Variants in FHIT observed in about 807,000 individuals in gnomAD.
The protein encoded by FHIT is bis(5'-adenosyl)-triphosphatase.
FHIT carries 19 observed loss-of-function variants against 17.9 expected under a neutral mutation model. The observed-to-expected ratio is 1.06, with a 90% CI of 0.74 to 1.56. FHIT has a LOEUF of 1.56. Ranked by LOEUF, FHIT falls within the 40% of genes most tolerant of loss-of-function variation. FHIT has a pLI of 0.00. For missense variants in FHIT, 248 were observed against 189.2 expected (o/e 1.31, Z -1.82); for synonymous variants, 81 against 69.7 (o/e 1.16, Z -0.81).
At chr3:59,913,982 T>A (rs1423822647) in intron 8 of FHIT, among the ~76,000 whole-genome samples, 1 of 152,194 alleles carries the variant, frequency 6.6e-6, no homozygotes, top group Non-Finnish European at 1.5e-5. Flanking sequence ...AACAGCTGCT[T>A]GCCAGTAAGC....
chr3:60,362,949 C>A (rs1302779288), intron 5 of FHIT, among the ~76,000 whole-genome samples: 1 of 152,082 alleles, frequency 6.6e-6, no homozygotes. Flanking sequence ...AGAAGGTATC[C>A]CCAGCCTTTT....
At chr3:60,044,442 C>G (rs11718994) in intron 5 of FHIT, among the ~76,000 whole-genome samples, 64,253 of 151,998 alleles carry the variant, frequency 0.42, 14,453 homozygotes, top group Middle Eastern at 0.71. Flanking sequence ...CCAGGGTAAG[C>G]CTTCCTCACA....
At chr3:61,161,482 A>G (rs754427821) in intron 2 of FHIT, among the ~76,000 whole-genome samples, 30 of 152,190 alleles carry the variant, frequency 2.0e-4, no homozygotes, top group Non-Finnish European at 3.7e-4. Flanking sequence ...GATTACAGGC[A>G]TGAGCCACTG....
chr3:59,907,031 T>A (rs1216517442), intron 8 of FHIT, among the ~76,000 whole-genome samples: 1 of 152,186 alleles, frequency 6.6e-6, no homozygotes, highest in African/African-American at 2.4e-5. Context: ...TCACAAAGTA[T>A]CAGAGCTGAA....
At chr3:60,289,753 C>T (rs1403358692) in intron 5 of FHIT, among the ~76,000 whole-genome samples, 1 of 152,116 alleles carries the variant, frequency 6.6e-6, no homozygotes, top group Non-Finnish European at 1.5e-5. Context: ...AGAATATCCT[C>T]TTGAAATGGT....
At chr3:60,977,273 A>G (rs192663247) in intron 3 of FHIT, among the ~76,000 whole-genome samples, 1 of 152,296 alleles carries the variant, frequency 6.6e-6, no homozygotes, top group Non-Finnish European at 1.5e-5. Context: ...GGTGGTGAAG[A>G]GCAGTCAGCA....
chr3:60,081,961 T>C (rs1259311970), intron 5 of FHIT, among the ~76,000 whole-genome samples: 1 of 152,126 alleles, frequency 6.6e-6, no homozygotes, highest in Non-Finnish European at 1.5e-5. Flanking sequence ...TGTCTACTTA[T>C]CTGTTTTTGT....
At chr3:60,120,532 A>G (rs1705199792) in intron 5 of FHIT, among the ~76,000 whole-genome samples, 1 of 152,216 alleles carries the variant, frequency 6.6e-6, no homozygotes, top group Admixed American at 6.5e-5. Flanking sequence ...GCAATTTCCT[A>G]TTTGATTAAG....
chr3:60,695,018 A>T (rs558079154), intron 4 of FHIT, among the ~76,000 whole-genome samples: 1 of 152,288 alleles, frequency 6.6e-6, no homozygotes, highest in Non-Finnish European at 1.5e-5. Context: ...ATATGTAACA[A>T]ACCTGCACGT....
At chr3:61,081,189 TAG>T (rs931877353) in intron 2 of FHIT, among the ~76,000 whole-genome samples, 3 of 152,108 alleles carry the variant, frequency 2.0e-5, no homozygotes, top group Non-Finnish European at 2.9e-5. Context: ...CATAATAAAA[TAG>T]AGAGGCTGTG....
intron 3 of FHIT, among the ~76,000 whole-genome samples, chr3:60,842,050 G>T (rs1702739611): frequency 6.6e-6 from 1 of 151,826 alleles, no homozygotes; most frequent in South Asian, 2.1e-4. Flanking sequence ...GACGCTCCGA[G>T]GGCCTACACA....
intron 4 of FHIT, among the ~76,000 whole-genome samples, chr3:60,543,907 C>CTGTTTTTTTT (rs2036270307): frequency 1.9e-5 from 1 of 52,062 alleles, no homozygotes; most frequent in Non-Finnish European, 3.0e-5. Context: ...CCACGCCCGG[C>CTGTTTTTTTT]TTTTTTTTTT....
intron 5 of FHIT, among the ~76,000 whole-genome samples, chr3:60,321,401 C>T (rs186540103): frequency 2.0e-5 from 3 of 152,160 alleles, no homozygotes; most frequent in Middle Eastern, 3.4e-3. Context: ...GTTTGAACTC[C>T]GGAGGTCAAG....
At chr3:59,957,574 T>A (rs1707466315) in intron 7 of FHIT, among the ~76,000 whole-genome samples, 1 of 152,358 alleles carries the variant, frequency 6.6e-6, no homozygotes, top group African/African-American at 2.4e-5. Context: ...GCACAAAGGT[T>A]GACTCCTATT....
At chr3:60,836,100 G>A (rs1702533407) in intron 3 of FHIT, among the ~76,000 whole-genome samples, 1 of 152,174 alleles carries the variant, frequency 6.6e-6, no homozygotes, top group Non-Finnish European at 1.5e-5. Flanking sequence ...TTGAATAGGA[G>A]TGGTGGAACC....
chr3:60,189,350 G>T (rs146699365), intron 5 of FHIT, among the ~76,000 whole-genome samples: 6 of 152,084 alleles, frequency 3.9e-5, no homozygotes, highest in Non-Finnish European at 7.4e-5. Flanking sequence ...TGAATAAATT[G>T]CATGTGGCAA....
intron 5 of FHIT, among the ~76,000 whole-genome samples, chr3:60,201,535 T>C (rs1270180745): frequency 6.6e-6 from 1 of 151,940 alleles, no homozygotes; most frequent in African/African-American, 2.4e-5. Context: ...ACAACCACCC[T>C]ACCCCCCAAA....
chr3:60,991,424 A>C (rs1245951212), intron 3 of FHIT, among the ~76,000 whole-genome samples: 1 of 152,242 alleles, frequency 6.6e-6, no homozygotes, highest in Non-Finnish European at 1.5e-5. Context: ...CGAAGGTTCA[A>C]ATCTCGGAAA....
chr3:60,790,268 ACAAAT>A (rs1420045725), intron 4 of FHIT, among the ~76,000 whole-genome samples: 12 of 152,206 alleles, frequency 7.9e-5, no homozygotes, highest in African/African-American at 2.9e-4. Context: ...AGCGGAATTT[ACAAAT>A]CAGTGAAGGA....
Sources: gnomAD v4.1 joint callset for allele counts (sites outside exome capture counted in the v4.1 genomes callset) on GRCh38, gnomAD v4.1.1 for gene constraint, MANE v1.5 for transcripts, NCBI Gene and HGNC (gene_info 2026-07-23, HGNC 2026-07-21) for gene names.